Variants in ZFHX3 observed in about 807,000 individuals in gnomAD.
ZFHX3 encodes zinc finger homeobox protein 3.
A neutral mutation model predicts 279.1 loss-of-function variants in ZFHX3; 42 were observed. The ratio of observed to expected loss-of-function variants is 0.15; its 90% CI spans 0.12 to 0.19. The LOEUF (loss-of-function observed/expected upper bound fraction) is 0.19, where lower values mean the gene tolerates loss of function less well. ZFHX3 is among the 10% of genes least tolerant of loss of function. The pLI, the probability that ZFHX3 is intolerant of heterozygous loss-of-function variation, is 1.00. For synonymous variants in ZFHX3, 2,293 were observed against 1,957.8 expected (o/e 1.17, Z -4.52); for missense variants, 4,981 against 4,754.0 (o/e 1.05, Z -1.40).
chr16:73,639,894 A>G (rs1048982757), intron 2 of ZFHX3, among the ~76,000 whole-genome samples: 4 of 152,238 alleles, frequency 2.6e-5, no homozygotes, highest in African/African-American at 4.8e-5. Context: ...TGGCCTTAGC[A>G]GAGCACAGGA....
chr16:73,482,662 G>A lies in ZFHX3; in HGVS notation c.-1546-26404C>T, dbSNP rs542331297. ...TGATTTATGTTCAATTTGTACAAAT[G>A]GAGAAAATGAGATTTCAAATTTCAA... On this transcript the variant is annotated intron_variant, in intron 2 of 17. Transcript: ENST00000641206. Among the ~76,000 whole-genome samples the A allele has an allele frequency of 5.3e-5, 8 of 152,264 alleles. No individual in the cohort carries two copies. The South Asian group carries it at 1.7e-3, about 32-fold the overall frequency.
At chr16:73,277,250 T>A (rs776971605) in intron 4 of ZFHX3, among the ~76,000 whole-genome samples, 6 of 152,220 alleles carry the variant, frequency 3.9e-5, no homozygotes, top group Non-Finnish European at 7.3e-5. Flanking sequence ...GTTGATGTCC[T>A]TGTTTTCTAT....
chr16:72,856,987 C>A (rs182894426), intron 4 of ZFHX3, among the ~76,000 whole-genome samples: 1 of 152,218 alleles, frequency 6.6e-6, no homozygotes, highest in Admixed American at 6.5e-5. Context: ...CACTGACACC[C>A]GCAGGTGATG....
chr16:73,797,979 G>T (rs1371553566), intron 1 of ZFHX3, among the ~76,000 whole-genome samples: 1 of 151,670 alleles, frequency 6.6e-6, no homozygotes, highest in Non-Finnish European at 1.5e-5. Context: ...GCCAATTTTT[G>T]TGTTTTTTTA....
intron 8 of ZFHX3, among the ~76,000 whole-genome samples, chr16:73,072,911 T>A (rs927069566): frequency 6.6e-6 from 1 of 151,330 alleles, no homozygotes; most frequent in African/African-American, 2.4e-5. Flanking sequence ...TTTTTTTTTT[T>A]ATTTGAGACG....
chr16:73,293,606 T>C (rs953200177), intron 4 of ZFHX3, among the ~76,000 whole-genome samples: 9 of 152,222 alleles, frequency 5.9e-5, no homozygotes, highest in African/African-American at 2.2e-4. Context: ...GGAGTGTGGA[T>C]TTTGAAGTTT....
intron 4 of ZFHX3, among the ~76,000 whole-genome samples, chr16:72,836,834 G>A (rs538841656): frequency 1.3e-5 from 2 of 152,268 alleles, no homozygotes; most frequent in South Asian, 2.1e-4. Flanking sequence ...AACCTCGAAG[G>A]GGTGAAGACT....
At chr16:73,717,554 C>G (rs150499322) in intron 1 of ZFHX3, among the ~76,000 whole-genome samples, 4 of 152,160 alleles carry the variant, frequency 2.6e-5, no homozygotes, top group African/African-American at 9.7e-5. Flanking sequence ...GCATTTTTGA[C>G]GCTCAAACAA....
intron 4 of ZFHX3, among the ~76,000 whole-genome samples, chr16:73,258,299 CA>C (rs2013715592): frequency 6.6e-6 from 1 of 151,186 alleles, no homozygotes; most frequent in South Asian, 2.1e-4. Flanking sequence ...TATTTGACTT[CA>C]AGGCTTATAT....
intron 6 of ZFHX3, among the ~76,000 whole-genome samples, chr16:73,131,346 T>C (rs1420358611): frequency 3.9e-5 from 6 of 152,320 alleles, no homozygotes; most frequent in South Asian, 2.1e-4. Context: ...ACATGACTCA[T>C]ACAATCTTTC....
At chr16:73,803,194 T>C (rs1960186834) in intron 1 of ZFHX3, among the ~76,000 whole-genome samples, 1 of 152,168 alleles carries the variant, frequency 6.6e-6, no homozygotes, top group Non-Finnish European at 1.5e-5. Context: ...TAGAAATTTA[T>C]AGAACAGGAA....
chr16:72,921,476 G>A (rs67566764), intron 3 of ZFHX3, among the ~76,000 whole-genome samples: 10,595 of 152,276 alleles, frequency 0.07, 426 homozygotes, highest in Non-Finnish European at 0.095. Flanking sequence ...GACTGAACGG[G>A]GATTTGGGAT....
At chr16:73,766,391 T>C (rs1301560110) in intron 1 of ZFHX3, among the ~76,000 whole-genome samples, 1 of 152,082 alleles carries the variant, frequency 6.6e-6, no homozygotes, top group Non-Finnish European at 1.5e-5. Context: ...CTCTCTTGGG[T>C]CTTTTAGGAC....
chr16:73,183,702 C>T (rs8043589), intron 5 of ZFHX3, among the ~76,000 whole-genome samples: 107,136 of 152,102 alleles, frequency 0.7, 38,479 homozygotes, highest in African/African-American at 0.83. Context: ...ATAGCTGCTG[C>T]GCCTGACTGC....
chr16:72,908,453 T>G lies in ZFHX3; in HGVS notation c.3217-18491A>C, dbSNP rs150386063. On this transcript the variant is annotated intron_variant, in intron 3 of 9. Transcript: ENST00000268489. ...ACGACAATGGGTGGAAAGGGGAACTTGAAGATTCAGGACGCCTCCCCTGCC... is the reference window on the plus strand; with the variant it reads ...ACGACAATGGGTGGAAAGGGGAACTGGAAGATTCAGGACGCCTCCCCTGCC... Among the ~76,000 whole-genome samples, 555 of 152,270 alleles carry G rather than the reference T, an allele frequency of 3.6e-3. 1 individual carries two copies. Among genetic ancestry groups the G allele is most frequent in the Middle Eastern group, 0.014 (4 of 294 alleles).
At chr16:73,001,105 C>G (rs1380472769) in intron 1 of ZFHX3, among the ~76,000 whole-genome samples, 2 of 152,180 alleles carry the variant, frequency 1.3e-5, no homozygotes, top group African/African-American at 4.8e-5. Context: ...GATAGGACAC[C>G]ACTTCTGAGA....
At chr16:73,007,524 A>T (rs1411477935) in intron 1 of ZFHX3, among the ~76,000 whole-genome samples, 2 of 151,938 alleles carry the variant, frequency 1.3e-5, no homozygotes, top group Non-Finnish European at 2.9e-5. Context: ...TCGGCTCACT[A>T]CAATCTCTGC....
intron 2 of ZFHX3, among the ~76,000 whole-genome samples, chr16:73,640,463 G>C (rs1275622115): frequency 6.6e-6 from 1 of 151,994 alleles, no homozygotes; most frequent in East Asian, 1.9e-4. Context: ...ACAATGCAGA[G>C]AACAAAAGAA....
intron 5 of ZFHX3, among the ~76,000 whole-genome samples, chr16:73,189,886 GA>G (rs1967990534): frequency 6.6e-6 from 1 of 152,026 alleles, no homozygotes; most frequent in African/African-American, 2.4e-5. Context: ...CTGAGCCCAG[GA>G]GTTCAAGACC....
Sources: allele counts gnomAD v4.1 joint callset (sites outside exome capture counted in the v4.1 genomes callset), GRCh38; gene constraint gnomAD v4.1.1; transcripts MANE v1.5; gene names NCBI Gene and HGNC (gene_info 2026-07-23, HGNC 2026-07-21).